The following DEF8 variants were observed in gnomAD, a reference collection of about 807,000 sequenced individuals.
DEF8 encodes differentially expressed in FDCP 8 homolog.
A neutral mutation model predicts 59.1 loss-of-function variants in DEF8; 38 were observed. That is an observed-to-expected ratio of 0.64 (90% CI 0.50 to 0.84). The LOEUF (loss-of-function observed/expected upper bound fraction) is 0.84, where lower values mean the gene tolerates loss of function less well. Ranked by LOEUF, DEF8 falls within the 40% of genes least tolerant of loss-of-function variation. The pLI, the probability that DEF8 is intolerant of heterozygous loss-of-function variation, is 0.00. For missense variants in DEF8, 557 were observed against 615.2 expected, an observed-to-expected ratio of 0.91 and a Z score of 1.00; for synonymous variants, 265 against 250.1, an observed-to-expected ratio of 1.06 and a Z score of -0.56.
chr16:89,962,630 T>C (rs1473742447), intron 9 of DEF8, among the ~76,000 whole-genome samples: 1 of 152,208 alleles, frequency 6.6e-6, no homozygotes, highest in Non-Finnish European at 1.5e-5. Flanking sequence ...CACTCCAGCC[T>C]GGGCAACAAG....
chr16:89,963,444 G>A lies in DEF8; in HGVS notation c.1002+1G>A. ...CATGGAGGCTCGTCTGCTGCTGCAGGTCAGACTGCCAGCAGGACTGGCCCC... is the reference window on the plus strand; with the variant it reads ...CATGGAGGCTCGTCTGCTGCTGCAGATCAGACTGCCAGCAGGACTGGCCCC... On this transcript the variant is annotated splice_donor_variant, in intron 10 of 12. Coordinates refer to ENST00000563594, the MANE Select transcript of DEF8 (RefSeq NM_001242818.2). LOFTEE classifies it high-confidence loss of function. 6.2e-7 allele frequency: 1 copy of A among 1,612,896 alleles called. No homozygotes were observed. Among genetic ancestry groups the A allele is most frequent in the Non-Finnish European group, 8.5e-7 (1 of 1,179,334 alleles).
chr16:89,964,659 G>A, intron 12 of DEF8, 84 bp downstream of exon 12: 1 of 1,013,980 alleles, frequency 9.9e-7, no homozygotes, highest in East Asian at 2.6e-5. Context: ...CCGGTAGGAT[G>A]ATGCCGTGGG....
At chr16:89,961,346 C>T (rs973713238) in intron 7 of DEF8, among the ~76,000 whole-genome samples, 7 of 152,336 alleles carry the variant, frequency 4.6e-5, no homozygotes, top group African/African-American at 1.7e-4. Flanking sequence ...GGGACCTGGC[C>T]TCCGCCTCCC....
rs1454786785 is a variant in DEF8 at position 89,964,230 on chromosome 16, G to A, written c.1063G>A (p.Asp355Asn). ...DEMYSVQDLL[D>N]VHAGRLGCSL... Reference sequence around the variant, plus strand: ...GATGTACTCTGTCCAGGACCTCCTGGACGTGCATGCCGGCCGCCTGGGCTG... The same window carrying A: ...GATGTACTCTGTCCAGGACCTCCTGAACGTGCATGCCGGCCGCCTGGGCTG... The change falls in exon 11 of 13, where the codon GAC (aspartate) becomes AAC (asparagine). Residue 355 changes from aspartate (D) to asparagine (N), a missense_variant. Asp to Asn is a conservative substitution (Grantham distance 23). Transcript: ENST00000563594. 12 of 1,613,590 alleles carry A rather than the reference G, an allele frequency of 7.4e-6. No individual in the cohort carries two copies. The highest frequency in any genetic ancestry group is 1.3e-5 in the African/African-American group (1 of 74,854).
chr16:89,948,772 C>A lies in DEF8; in HGVS notation c.-150C>A, dbSNP rs2031138523. 9 of 983,202 alleles carry A rather than the reference C, an allele frequency of 9.2e-6. No homozygotes were observed. The highest frequency in any genetic ancestry group is 1.1e-5 in the Non-Finnish European group (9 of 829,304). 60.9% of individuals were successfully genotyped at this position (983,202 alleles called of 1,614,324 possible). A position where few individuals can be genotyped will look rare whatever the true frequency, so the allele number is the denominator to read the frequency against. ...GATCCAGCGTAGCGGGGCGGCCGGG[C>A]GGATCCAGCGCAGCCGGGAGACAGA... On this transcript the variant is annotated 5_prime_UTR_variant, in exon 1 of 13. Coordinates refer to ENST00000563594, the MANE Select transcript of DEF8 (RefSeq NM_001242818.2).
chr16:89,955,966 G>A (rs532601157), intron 4 of DEF8, among the ~76,000 whole-genome samples: 7 of 151,816 alleles, frequency 4.6e-5, no homozygotes, highest in African/African-American at 1.4e-4. Flanking sequence ...CCAGCTACTC[G>A]GGAGGCTGAG....
intron 2 of DEF8, among the ~76,000 whole-genome samples, chr16:89,951,622 A>T (rs936611055): frequency 6.6e-6 from 1 of 152,112 alleles, no homozygotes; most frequent in Non-Finnish European, 1.5e-5. Flanking sequence ...TATTTCTCTC[A>T]CTTGAATGAA....
chr16:89,949,368 G>A (rs2031516023), intron 1 of DEF8, 49 bp from the exon 2 acceptor site: 1 of 1,469,266 alleles, frequency 6.8e-7, no homozygotes, highest in Non-Finnish European at 9.2e-7. Context: ...GAGCTCCCGC[G>A]GGTGTGGTGG....
chr16:89,952,837 C>A (rs1195471591), intron 2 of DEF8, among the ~76,000 whole-genome samples: 1 of 152,250 alleles, frequency 6.6e-6, no homozygotes, highest in Non-Finnish European at 1.5e-5. Flanking sequence ...CCCACAGGCA[C>A]AACAGGCAGG....
At chr16:89,952,488 C>G (rs1448920006) in intron 2 of DEF8, 1 of 152,264 alleles carries the variant, frequency 6.6e-6, no homozygotes, top group African/African-American at 2.4e-5. Flanking sequence ...AGAACAGTCA[C>G]TTTACCAGGT....
rs2034595421 is a variant in DEF8 at position 89,966,213 on chromosome 16, C to T, written c.*250C>T. The T allele has an allele frequency of 1.9e-5, 8 of 419,972 alleles. No individual in the cohort carries two copies. In the South Asian group the frequency reaches 2.0e-4, roughly 10 times the overall value. 26.0% of individuals were successfully genotyped at this position (419,972 alleles called of 1,614,324 possible). ...GTCCTTGCGTGGCCCCCATCCTTCC[C>T]CCAATGCAGAACTCCATGGGCAGGG... On this transcript the variant is annotated 3_prime_UTR_variant, in exon 13 of 13. Coordinates refer to ENST00000563594, the MANE Select transcript of DEF8 (RefSeq NM_001242818.2).
intron 7 of DEF8, among the ~76,000 whole-genome samples, 158 bp downstream of exon 7, chr16:89,961,253 ATTGTTTCATTTCTC>A (rs2033987818): frequency 1.3e-5 from 2 of 152,146 alleles, no homozygotes; most frequent in Non-Finnish European, 2.9e-5. Flanking sequence ...TGTTGCTGCC[ATTGTTTCATTTCTC>A]ACTGAAGCAG....
chr16:89,958,722 G>T (rs997144961), intron 5 of DEF8, among the ~76,000 whole-genome samples: 1 of 152,212 alleles, frequency 6.6e-6, no homozygotes, highest in Admixed American at 6.5e-5. Flanking sequence ...AGGCCGGGTC[G>T]CTCCCGCTCA....
At chr16:89,952,256 C>G (rs1215262129) in intron 2 of DEF8, among the ~76,000 whole-genome samples, 2 of 152,238 alleles carry the variant, frequency 1.3e-5, no homozygotes, top group Non-Finnish European at 2.9e-5. Context: ...CCTTGGCCTT[C>G]CAGAGTGCTG....
rs561417425 is a variant in DEF8, at chr16:89,949,925, C to T, written c.-11+412C>T. ...TCTGCTCAGAGTCGGCCACTGTGGCCGGCATCCCCAGGTCTGTGTGAGCAG... is the reference window on the plus strand; with the variant it reads ...TCTGCTCAGAGTCGGCCACTGTGGCTGGCATCCCCAGGTCTGTGTGAGCAG... On this transcript the variant is annotated intron_variant, in intron 2 of 12. Transcript: ENST00000563594. 1.8e-5 allele frequency: 14 copies of T among 779,144 alleles called. No individual in the cohort carries two copies. In the East Asian group the frequency reaches 2.6e-4, roughly 15 times the overall value. The allele number at this position is 779,144 out of a possible 1,614,324, so 48.3% of individuals were successfully genotyped here.
intron 2 of DEF8, among the ~76,000 whole-genome samples, chr16:89,950,574 C>T (rs142426094): frequency 0.039 from 5,920 of 152,098 alleles, 379 homozygotes; most frequent in African/African-American, 0.14. Context: ...GTTTTTAGTA[C>T]AGACGGGGTT....
At chr16:89,951,840 A>G (rs571097923) in intron 2 of DEF8, among the ~76,000 whole-genome samples, 1 of 151,896 alleles carries the variant, frequency 6.6e-6, no homozygotes, top group South Asian at 2.1e-4. Flanking sequence ...ACACACACAT[A>G]TATATGTATA....
intron 9 of DEF8, 105 bp downstream of exon 9, chr16:89,962,230 A>G: frequency 9.6e-7 from 1 of 1,046,178 alleles, no homozygotes; most frequent in Non-Finnish European, 1.4e-6. Flanking sequence ...GGTTCTGAGC[A>G]GAGGAGGGAG....
chr16:89,954,190 T>G lies in DEF8; in HGVS notation c.-10-53T>G. ...CAGTGTGGTTGGGGAAAGGGGGTGG[T>G]CCGTGGTGAGCCTGGTACCTGGGGA... On this transcript the variant is annotated intron_variant, in intron 2 of 12. Coordinates refer to ENST00000563594, the MANE Select transcript of DEF8 (RefSeq NM_001242818.2). The surrounding 1 kb of genome is among the most constrained non-coding windows in gnomAD (Gnocchi z 4.3). 6.3e-7 allele frequency: 1 copy of G among 1,588,300 alleles called. No individual in the cohort carries two copies. The highest frequency in any genetic ancestry group is 8.6e-7 in the Non-Finnish European group (1 of 1,166,918).
Sources: gnomAD v4.1 joint callset for allele counts (sites outside exome capture counted in the v4.1 genomes callset) on GRCh38, gnomAD v4.1.1 for gene constraint, Gnocchi (gnomAD v3.1) non-coding constraint, MANE v1.5 for transcripts, NCBI Gene and HGNC (gene_info 2026-07-23, HGNC 2026-07-21) for gene names.